The following PCSK5 variants were observed in gnomAD, a reference collection of about 807,000 sequenced individuals.
PCSK5 encodes the protein proprotein convertase subtilisin/kexin type 5.
In PCSK5, 129 loss-of-function variants were observed where a neutral mutation model predicts 233.2. The observed-to-expected ratio is 0.55, with a 90% CI of 0.48 to 0.64. PCSK5 has a LOEUF of 0.64. Among genes scored for constraint, PCSK5 ranks in the 30% least tolerant of loss-of-function variants. The pLI, the probability that PCSK5 is intolerant of heterozygous loss-of-function variation, is 0.00. For synonymous variants in PCSK5, 825 were observed against 879.2 expected, an observed-to-expected ratio of 0.94 and a Z score of 1.09; for missense variants, 2,076 against 2,430.1, an observed-to-expected ratio of 0.85 and a Z score of 3.06.
intron 10 of PCSK5, among the ~76,000 whole-genome samples, chr9:76,137,330 G>A (rs1387487007): frequency 2.0e-5 from 3 of 152,024 alleles, no homozygotes; most frequent in African/African-American, 7.2e-5. Context: ...CCTTATAAAA[G>A]CACTCTGTAA....
At chr9:76,193,466 C>G in intron 20 of PCSK5, 2 of 771,706 alleles carry the variant, frequency 2.6e-6, no homozygotes, top group Non-Finnish European at 3.8e-6. Context: ...TCTTTCTTTT[C>G]TTGCTCTCTT....
At chr9:75,956,040 G>A (rs897338943) in intron 2 of PCSK5, among the ~76,000 whole-genome samples, 12 of 152,194 alleles carry the variant, frequency 7.9e-5, no homozygotes, top group Non-Finnish European at 1.8e-4. Context: ...CGTCCAGGCT[G>A]TACTCTTGTA....
At position 76,328,224 on chromosome 9, in the gene PCSK5, A is replaced by G. The variant is rs1829426872; in HGVS notation, c.4555A>G (p.Asn1519Asp). The change falls in exon 33 of 38, where the codon AAC (asparagine) becomes GAC (aspartate). Residue 1519 changes from asparagine to aspartate, a missense_variant. Asn to Asp is a conservative substitution (Grantham distance 23). Transcript: ENST00000674117. ...GGACCAGTGTCAAACATGCCCCATG[A>G]ACAGCCTTCTTCTCAGTGAGTTACT... ...AEDQCQTCPM[N>D]SLLLNTTCVK... The G allele has an allele frequency of 6.2e-6, 10 of 1,611,690 alleles. No individual in the cohort carries two copies. Among genetic ancestry groups the G allele is most frequent in the Non-Finnish European group, 8.5e-6 (10 of 1,178,838 alleles).
intron 2 of PCSK5, among the ~76,000 whole-genome samples, chr9:75,958,680 A>G (rs2131339088): frequency 6.6e-6 from 1 of 152,336 alleles, no homozygotes; most frequent in Middle Eastern, 3.4e-3. Context: ...GAGTCAGAAG[A>G]ACTAGTTCTG....
At chr9:75,949,113 A>C (rs1031684226) in intron 2 of PCSK5, among the ~76,000 whole-genome samples, 3 of 150,380 alleles carry the variant, frequency 2.0e-5, no homozygotes, top group Non-Finnish European at 4.4e-5. Context: ...TAAAATAACA[A>C]ATTTTTAATA....
chr9:76,094,159 A>G (rs919828017), intron 7 of PCSK5, among the ~76,000 whole-genome samples: 1 of 152,224 alleles, frequency 6.6e-6, no homozygotes, highest in East Asian at 1.9e-4. Context: ...GAACAGGTCT[A>G]TCAAATCATG....
intron 9 of PCSK5, among the ~76,000 whole-genome samples, chr9:76,119,933 C>T (rs996684199): frequency 6.6e-6 from 1 of 151,926 alleles, no homozygotes; most frequent in African/African-American, 2.4e-5. Flanking sequence ...ATTTCTACCT[C>T]CCCCCAGCAC....
chr9:75,962,135 G>GA (rs58509977), intron 2 of PCSK5, among the ~76,000 whole-genome samples: 144,335 of 152,154 alleles, frequency 0.95, 68,561 homozygotes, highest in African/African-American at 0.97. Flanking sequence ...CTGGGGGAGG[G>GA]GGCCACGTTG....
At chr9:75,917,646 A>T (rs1388534538) in intron 1 of PCSK5, among the ~76,000 whole-genome samples, 1 of 152,230 alleles carries the variant, frequency 6.6e-6, no homozygotes, top group East Asian at 1.9e-4. Flanking sequence ...CTGATAATTT[A>T]ATGCAAATAA....
At chr9:76,193,386 TTA>T in intron 20 of PCSK5, 1 of 1,506,244 alleles carries the variant, frequency 6.6e-7, no homozygotes, top group Non-Finnish European at 8.9e-7. Context: ...TCCTGTAGAC[TTA>T]TAGATTATTC....
At chr9:75,923,353 C>G (rs1208156400) in intron 1 of PCSK5, among the ~76,000 whole-genome samples, 1 of 151,890 alleles carries the variant, frequency 6.6e-6, no homozygotes, top group African/African-American at 2.4e-5. Flanking sequence ...GTCAATTACA[C>G]AGTGGCTTTG....
intron 20 of PCSK5, among the ~76,000 whole-genome samples, chr9:76,202,492 G>A (rs927151356): frequency 2.0e-5 from 3 of 152,172 alleles, no homozygotes; most frequent in Non-Finnish European, 4.4e-5. Flanking sequence ...TCCTTTCCAC[G>A]GCCTTGAAGG....
intron 20 of PCSK5, among the ~76,000 whole-genome samples, chr9:76,197,582 C>A (rs1052896806): frequency 6.6e-6 from 1 of 152,172 alleles, no homozygotes; most frequent in Admixed American, 6.5e-5. Flanking sequence ...GACATTCATT[C>A]TTAACAGCTT....
chr9:76,059,073 T>C (rs1014507970), intron 5 of PCSK5, among the ~76,000 whole-genome samples: 1 of 152,186 alleles, frequency 6.6e-6, no homozygotes, highest in African/African-American at 2.4e-5. Context: ...TTAGTCATGA[T>C]TGAAGGTAGC....
intron 12 of PCSK5, among the ~76,000 whole-genome samples, chr9:76,167,905 T>A (rs1426237009): frequency 6.6e-6 from 1 of 152,232 alleles, no homozygotes; most frequent in Non-Finnish European, 1.5e-5. Context: ...CTGGACATGA[T>A]TGCCCCTAAG....
chr9:76,210,174 C>T (rs1211866901), intron 20 of PCSK5, among the ~76,000 whole-genome samples: 1 of 152,066 alleles, frequency 6.6e-6, no homozygotes, highest in Non-Finnish European at 1.5e-5. Context: ...GCAGGAGAGT[C>T]AGATAGGGAA....
intron 5 of PCSK5, among the ~76,000 whole-genome samples, chr9:76,029,979 T>C (rs1251435541): frequency 2.0e-5 from 3 of 152,152 alleles, no homozygotes; most frequent in Non-Finnish European, 2.9e-5. Context: ...TTGCCATAAG[T>C]TAAGAATACT....
At position 76,222,928 on chromosome 9, in the gene PCSK5, C is replaced by A. The variant is rs73460354; in HGVS notation, c.2627-4575C>A. Among the ~76,000 whole-genome samples, 1,229 of 152,264 alleles carry A rather than the reference C, an allele frequency of 8.1e-3. 14 individuals are homozygous for A. The highest frequency in any genetic ancestry group is 0.029 in the African/African-American group (1,190 of 41,554). On this transcript the variant is annotated intron_variant, in intron 20 of 37. Transcript: ENST00000674117. ...TCTTAAGTTGGAAACTACATGTTGG[C>A]ATCCTTGCAAAGAGATAATATTATT...
chr9:76,336,985 G>A (rs189232245), intron 34 of PCSK5, among the ~76,000 whole-genome samples: 2 of 151,728 alleles, frequency 1.3e-5, no homozygotes, highest in Non-Finnish European at 1.5e-5. Context: ...AATACTATCA[G>A]GCATATTAGT....
Sources: allele counts gnomAD v4.1 joint callset (sites outside exome capture counted in the v4.1 genomes callset), GRCh38; gene constraint gnomAD v4.1.1; transcripts MANE v1.5; gene names NCBI Gene and HGNC (gene_info 2026-07-23, HGNC 2026-07-21).